DTL: variants seen among roughly 807,000 people sequenced by gnomAD.
DTL encodes denticleless E3 ubiquitin protein ligase adapter.
A neutral mutation model predicts 87.0 loss-of-function variants in DTL; 46 were observed. That is an observed-to-expected ratio of 0.53 (90% CI 0.42 to 0.68). The LOEUF is 0.68. DTL is among the 30% of genes least tolerant of loss of function. The pLI is 0.00. For missense variants in DTL, 737 were observed against 869.4 expected (o/e 0.85, Z 1.91); for synonymous variants, 308 against 311.2 (o/e 0.99, Z 0.11).
At position 212,042,950 on chromosome 1, in the gene DTL, G is replaced by A. The variant is rs770989192; in HGVS notation, c.53-43G>A. ...CTGAATTTGTTAAAAATGCTGAAAT[G>A]TGATGCTGTATTGGAATTCTATAAG... On this transcript the variant is annotated intron_variant, in intron 1 of 14. Coordinates refer to ENST00000366991, the MANE Select transcript of DTL (RefSeq NM_016448.4). The A allele has an allele frequency of 1.6e-5, 24 of 1,531,946 alleles. No homozygotes were observed. In the East Asian group the frequency reaches 2.4e-4, roughly 15 times the overall value. 94.9% of individuals were successfully genotyped at this position (1,531,946 alleles called of 1,614,324 possible).
Position 212,090,288 on chromosome 1 carries a change from G to A in DTL, c.1261+9538G>A, listed in dbSNP as rs374374506. On this transcript the variant is annotated intron_variant, in intron 13 of 14. Transcript: ENST00000366991. Reference sequence around the variant, plus strand: ...CTCAAGGCAAGACTGCTTTAGGAGTGAAAAACACAGGGTAAAAAAAGGACA... The same window carrying A: ...CTCAAGGCAAGACTGCTTTAGGAGTAAAAAACACAGGGTAAAAAAAGGACA... Among the ~76,000 whole-genome samples the A allele has an allele frequency of 2.0e-5, 3 of 152,178 alleles. No homozygotes were observed. In the East Asian group the frequency reaches 5.8e-4, roughly 29 times the overall value.
At chr1:212,098,825 C>G (rs772166905) in intron 13 of DTL, among the ~76,000 whole-genome samples, 3 of 151,740 alleles carry the variant, frequency 2.0e-5, no homozygotes, top group African/African-American at 4.8e-5. Flanking sequence ...CTACAAAACT[C>G]CCCGCCGAGA....
chr1:212,072,993 C>G (rs1654722551), intron 11 of DTL, among the ~76,000 whole-genome samples: 1 of 152,118 alleles, frequency 6.6e-6, no homozygotes, highest in Admixed American at 6.5e-5. Flanking sequence ...TCTCGATCTC[C>G]TGACCTCGTG....
intron 13 of DTL, among the ~76,000 whole-genome samples, chr1:212,093,364 C>T (rs531121440): frequency 1.3e-5 from 2 of 152,298 alleles, no homozygotes; most frequent in Admixed American, 6.5e-5. Flanking sequence ...TCTATTAGAC[C>T]CCTGCCTTAT....
intron 11 of DTL, among the ~76,000 whole-genome samples, chr1:212,072,695 G>A (rs1392133860): frequency 6.6e-6 from 1 of 151,432 alleles, no homozygotes; most frequent in African/African-American, 2.4e-5. Flanking sequence ...CTGATCTTCA[G>A]GCCACTAAAG....
chr1:212,057,882 A>G lies in DTL; in HGVS notation c.461-5002A>G, dbSNP rs548353880. On this transcript the variant is annotated intron_variant, in intron 5 of 14. Transcript: ENST00000366991. ...GTATAAACTGAAAATAAAGGAATGT[A>G]AAAAGATACTACATGCAAATGGAAA... Among the ~76,000 whole-genome samples, 8 of 152,330 alleles carry G rather than the reference A, an allele frequency of 5.3e-5. No homozygotes were observed. In the East Asian group the frequency reaches 1.5e-3, roughly 29 times the overall value.
intron 13 of DTL, among the ~76,000 whole-genome samples, chr1:212,084,205 T>C (rs1377010046): frequency 1.8e-5 from 1 of 55,916 alleles, no homozygotes; most frequent in Non-Finnish European, 3.4e-5. Flanking sequence ...TTTTTTCTTT[T>C]CTTTTTTTTT....
intron 5 of DTL, chr1:212,052,025 G>A: frequency 2.2e-6 from 2 of 901,728 alleles, no homozygotes; most frequent in Non-Finnish European, 1.8e-6. Flanking sequence ...ATTACTGGAA[G>A]ATGGCGGTTC....
intron 13 of DTL, among the ~76,000 whole-genome samples, chr1:212,083,407 G>C (rs1029251734): frequency 1.3e-5 from 2 of 152,180 alleles, no homozygotes; most frequent in Non-Finnish European, 2.9e-5. Context: ...TATCAGGAGG[G>C]AAGTAAGGAC....
chr1:212,078,120 A>G (rs1045351625), intron 11 of DTL, 53 bp from the exon 12 acceptor site: 2 of 1,124,682 alleles, frequency 1.8e-6, no homozygotes, highest in Non-Finnish European at 2.7e-6. Context: ...AAAGGCCTCT[A>G]TCTGGGAAAT....
chr1:212,087,507 G>A (rs1050932347), intron 13 of DTL, among the ~76,000 whole-genome samples: 6 of 151,540 alleles, frequency 4.0e-5, no homozygotes, highest in Admixed American at 1.3e-4. Context: ...TGGAGATCAC[G>A]CCACTGCACT....
intron 13 of DTL, among the ~76,000 whole-genome samples, chr1:212,093,246 A>G (rs1241570182): frequency 2.6e-5 from 4 of 152,104 alleles, no homozygotes. Flanking sequence ...CTCCGACCCC[A>G]CAGCAGTGTC....
intron 5 of DTL, among the ~76,000 whole-genome samples, chr1:212,053,411 T>G (rs1668059154): frequency 6.6e-6 from 1 of 152,092 alleles, no homozygotes; most frequent in Non-Finnish European, 1.5e-5. Flanking sequence ...ATGGTTGGTC[T>G]TGAACTTCTG....
intron 2 of DTL, 52 bp from the exon 3 acceptor site, chr1:212,044,608 A>AG: frequency 7.9e-7 from 1 of 1,268,936 alleles, no homozygotes. Flanking sequence ...GTCTGAAAAA[A>AG]AAAAAAAAAA....
At chr1:212,046,698 C>T (rs1307280219) in intron 3 of DTL, among the ~76,000 whole-genome samples, 1 of 152,172 alleles carries the variant, frequency 6.6e-6, no homozygotes, top group African/African-American at 2.4e-5. Flanking sequence ...CATTGATGGG[C>T]ATTTGGGTTG....
intron 13 of DTL, among the ~76,000 whole-genome samples, chr1:212,087,949 C>T (rs1655178935): frequency 6.6e-6 from 1 of 151,924 alleles, no homozygotes; most frequent in South Asian, 2.1e-4. Context: ...CCCTACCTTT[C>T]CCAGCCGGCA....
At chr1:212,090,573 G>C (rs140067871) in intron 13 of DTL, among the ~76,000 whole-genome samples, 1 of 152,320 alleles carries the variant, frequency 6.6e-6, no homozygotes, top group African/African-American at 2.4e-5. Flanking sequence ...GTCTGTGGTA[G>C]GGCCCGAGAG....
intron 5 of DTL, among the ~76,000 whole-genome samples, chr1:212,061,354 A>G (rs558163817): frequency 6.6e-6 from 1 of 152,326 alleles, no homozygotes; most frequent in Admixed American, 6.5e-5. Flanking sequence ...ACTAATAACC[A>G]CAGTGAGATA....
Position 212,101,050 on chromosome 1 carries a change from C to T in DTL, c.2060C>T (p.Ser687Phe). The change falls in exon 14 of 15, where the codon TCC becomes TTC. Residue 687 changes from serine (S) to phenylalanine (F), a missense_variant. Coordinates refer to ENST00000366991, the MANE Select transcript of DTL (RefSeq NM_016448.4). ...PRSPSSQTPNSRRQSGKKLPS... is the reference protein window; with the variant it reads ...PRSPSSQTPNFRRQSGKKLPS... ...AGTCCGTCATCCCAGACACCCAATT[C>T]CAGGAGACAGAGCGGAAAGAAATTG... 5 of 1,612,428 alleles carry T rather than the reference C, an allele frequency of 3.1e-6. No individual in the cohort carries two copies. Among genetic ancestry groups the T allele is most frequent in the Non-Finnish European group, 4.2e-6 (5 of 1,179,190 alleles).
Sources: allele counts gnomAD v4.1 joint callset (sites outside exome capture counted in the v4.1 genomes callset), GRCh38; gene constraint gnomAD v4.1.1; transcripts MANE v1.5; gene names NCBI Gene and HGNC (gene_info 2026-07-23, HGNC 2026-07-21).